CCNYL1: variants seen among roughly 807,000 people sequenced by gnomAD.
CCNYL1 encodes cyclin Y like 1, also known as cyclin-Y-like protein 1.
Under a neutral mutation model 44.2 loss-of-function variants are expected in CCNYL1, and 16 were observed. The observed-to-expected ratio is 0.36, with a 90% CI of 0.25 to 0.55. CCNYL1 has a LOEUF of 0.55. CCNYL1 is among the 20% of genes least tolerant of loss of function. The pLI is 0.85. For synonymous variants in CCNYL1, 159 were observed against 163.2 expected, an observed-to-expected ratio of 0.97 and a Z score of 0.20; for missense variants, 348 against 451.8, an observed-to-expected ratio of 0.77 and a Z score of 2.08.
At position 207,712,982 on chromosome 2, in the gene CCNYL1, A is replaced by C. The variant is rs191718276; in HGVS notation, c.220+866A>C. Among the ~76,000 whole-genome samples, 942 of 151,756 alleles carry C rather than the reference A, an allele frequency of 6.2e-3. 4 individuals are homozygous for C. Among genetic ancestry groups the C allele is most frequent in the Middle Eastern group, 0.034 (10 of 294 alleles). Reference sequence around the variant, plus strand: ...AGGCGTGCGCCACCACGCCCAGCTAATTTTTGAATTTTTAGTAGAGACGGG... The same window carrying C: ...AGGCGTGCGCCACCACGCCCAGCTACTTTTTGAATTTTTAGTAGAGACGGG... On this transcript the variant is annotated intron_variant, in intron 1 of 9. Coordinates refer to ENST00000295414, the MANE Select transcript of CCNYL1 (RefSeq NM_001330218.2).
chr2:207,747,473 AT>A (rs2091862254), intron 8 of CCNYL1, among the ~76,000 whole-genome samples: 1 of 151,354 alleles, frequency 6.6e-6, no homozygotes, highest in African/African-American at 2.4e-5. Context: ...ATTGAAAAAT[AT>A]TTTTTGGGTG....
chr2:207,726,098 A>AGC (rs2091678127), intron 2 of CCNYL1, among the ~76,000 whole-genome samples: 1 of 152,164 alleles, frequency 6.6e-6, no homozygotes, highest in African/African-American at 2.4e-5. Context: ...GTAAAAGAAG[A>AGC]GCTATCCCAT....
chr2:207,714,497 G>T, intron 1 of CCNYL1: 1 of 312,538 alleles, frequency 3.2e-6, no homozygotes, highest in Non-Finnish European at 6.3e-6. Flanking sequence ...CAGTGGATAA[G>T]AATAAAAGTA....
chr2:207,735,543 C>T (rs2091758314), intron 4 of CCNYL1, among the ~76,000 whole-genome samples: 1 of 152,166 alleles, frequency 6.6e-6, no homozygotes, highest in Admixed American at 6.5e-5. Context: ...ATTTGCAGCA[C>T]ATTGGAATCA....
chr2:207,712,884 C>T (rs1263517673), intron 1 of CCNYL1, among the ~76,000 whole-genome samples: 2 of 152,170 alleles, frequency 1.3e-5, no homozygotes, highest in African/African-American at 2.4e-5. Flanking sequence ...GGCGCGATCT[C>T]GGCTCGCTGC....
At chr2:207,713,454 G>A (rs1222824424) in intron 1 of CCNYL1, among the ~76,000 whole-genome samples, 2 of 152,182 alleles carry the variant, frequency 1.3e-5, no homozygotes, top group African/African-American at 2.4e-5. Context: ...CGTTGAGGTA[G>A]GGGTGAGGGG....
At chr2:207,751,174 CTG>C in intron 9 of CCNYL1, 55 bp downstream of exon 9, 1 of 1,471,664 alleles carries the variant, frequency 6.8e-7, no homozygotes, top group Non-Finnish European at 9.4e-7. Context: ...AAGCCAACAT[CTG>C]TGACTAAATC....
chr2:207,737,514 A>G, intron 5 of CCNYL1, 68 bp downstream of exon 5: 1 of 1,258,324 alleles, frequency 7.9e-7, no homozygotes, highest in South Asian at 1.2e-5. Context: ...GTTCAGTATT[A>G]GGTCATAACT....
chr2:207,735,608 G>A (rs1320704720), intron 4 of CCNYL1, among the ~76,000 whole-genome samples: 1 of 152,192 alleles, frequency 6.6e-6, no homozygotes, highest in African/African-American at 2.4e-5. Context: ...ACTGACACCT[G>A]TAATCCTAGC....
At chr2:207,712,795 G>C (rs573196974) in intron 1 of CCNYL1, among the ~76,000 whole-genome samples, 1 of 152,140 alleles carries the variant, frequency 6.6e-6, no homozygotes, top group Non-Finnish European at 1.5e-5. Context: ...GGGTGTGAGA[G>C]GTTATTACCA....
In CCNYL1 at chr2:207,734,002, A is replaced by C. The variant is rs960882544; in HGVS notation, c.386A>C (p.Asp129Ala). The change falls in exon 4 of 10, where the codon GAT (aspartate) becomes GCT (alanine). Residue 129 changes from aspartate to alanine, a missense_variant. Coordinates refer to ENST00000295414, the MANE Select transcript of CCNYL1 (RefSeq NM_001330218.2). ...KYSSCSTIFL[D>A]DSTVSQPNLR... ...AGCTCATGCTCAACAATATTTCTAG[A>C]TGACAGCACAGTCAGCCAGCCTAAT... 1.2e-6 allele frequency: 2 copies of C among 1,613,802 alleles called. No individual in the cohort carries two copies. Among genetic ancestry groups the C allele is most frequent in the Admixed American group, 3.3e-5 (2 of 60,018 alleles).
At chr2:207,750,874 G>T (rs2091886085) in intron 8 of CCNYL1, 83 bp from the exon 9 acceptor site, 1 of 1,169,282 alleles carries the variant, frequency 8.6e-7, no homozygotes, top group Non-Finnish European at 1.2e-6. Flanking sequence ...AGCCATTCTA[G>T]TCTCTTAGAA....
chr2:207,724,516 A>G (rs958992158), intron 1 of CCNYL1, among the ~76,000 whole-genome samples: 2 of 152,226 alleles, frequency 1.3e-5, no homozygotes, highest in Non-Finnish European at 2.9e-5. Flanking sequence ...TTGAAGGAGG[A>G]GGACATGCGT....
intron 1 of CCNYL1, among the ~76,000 whole-genome samples, chr2:207,715,385 T>TTTC (rs2091586071): frequency 7.0e-6 from 1 of 143,464 alleles, no homozygotes; most frequent in South Asian, 2.3e-4. Flanking sequence ...ATTTCTTTTT[T>TTTC]TTTTTTTTTT....
intron 1 of CCNYL1, among the ~76,000 whole-genome samples, chr2:207,714,026 C>G (rs1372307781): frequency 2.0e-5 from 3 of 152,050 alleles, no homozygotes; most frequent in African/African-American, 7.2e-5. Flanking sequence ...TTTAGCCCTT[C>G]CAAAATAAGG....
chr2:207,753,566 T>G (rs1244621108), intron 9 of CCNYL1, 22 bp from the exon 10 acceptor site: 3 of 1,515,720 alleles, frequency 2.0e-6, no homozygotes, highest in East Asian at 2.3e-5. Context: ...GTACCTGTTT[T>G]CTATTTGATT....
chr2:207,714,206 C>G, intron 1 of CCNYL1: 2 of 361,336 alleles, frequency 5.5e-6, no homozygotes, highest in South Asian at 4.4e-5. Context: ...CAGAATGCAT[C>G]ATGTATTTTA....
chr2:207,727,002 A>T, intron 3 of CCNYL1, 126 bp downstream of exon 3: 1 of 581,850 alleles, frequency 1.7e-6, no homozygotes, highest in South Asian at 4.3e-5. Context: ...GATTTTCTAA[A>T]TCATTTCTAT....
In CCNYL1 at chr2:207,755,389, C is replaced by A. The variant is rs2091924756; in HGVS notation, c.*1691C>A. Reference sequence around the variant, plus strand: ...CCAGACCCTGTCTCAAAGAAAAAAGCAGAAGAAAAATGTTCAGACAAGGTT... The same window carrying A: ...CCAGACCCTGTCTCAAAGAAAAAAGAAGAAGAAAAATGTTCAGACAAGGTT... On this transcript the variant is annotated 3_prime_UTR_variant, in exon 10 of 10. Coordinates refer to ENST00000295414, the MANE Select transcript of CCNYL1 (RefSeq NM_001330218.2). 1 of 152,082 alleles carries A rather than the reference C, an allele frequency of 6.6e-6. No homozygotes were observed. Among genetic ancestry groups the A allele is most frequent in the Admixed American group, 6.6e-5 (1 of 15,256 alleles). 9.4% of individuals were successfully genotyped at this position (152,082 alleles called of 1,614,324 possible).
Sources: allele counts gnomAD v4.1 joint callset (sites outside exome capture counted in the v4.1 genomes callset), GRCh38; gene constraint gnomAD v4.1.1; transcripts MANE v1.5; gene names NCBI Gene and HGNC (gene_info 2026-07-23, HGNC 2026-07-21).